Variants in NOP14 observed in about 807,000 individuals in gnomAD.
NOP14 encodes the protein nucleolar protein 14.
A neutral mutation model predicts 101.6 loss-of-function variants in NOP14; 57 were observed. The observed-to-expected ratio is 0.56, with a 90% CI of 0.45 to 0.70. The LOEUF is 0.70. Ranked by LOEUF, NOP14 falls within the 30% of genes least tolerant of loss-of-function variation. NOP14 has a pLI of 0.00. For synonymous variants in NOP14, 428 were observed against 424.0 expected (o/e 1.01, Z -0.12); for missense variants, 1,134 against 1,075.5 (o/e 1.05, Z -0.76).
intron 1 of NOP14, among the ~76,000 whole-genome samples, chr4:2,962,346 T>TC (rs757953856): frequency 1.3e-5 from 2 of 152,248 alleles, no homozygotes; most frequent in Non-Finnish European, 2.9e-5. Flanking sequence ...TCTTGCCTAT[T>TC]CATTATACAG....
chr4:2,957,193 G>A (rs1715408056), intron 2 of NOP14, among the ~76,000 whole-genome samples: 1 of 151,996 alleles, frequency 6.6e-6, no homozygotes, highest in Admixed American at 6.6e-5. Context: ...GTAGAGACGG[G>A]GTTTCATCAC....
At chr4:2,961,250 CTA>C (rs1401836336) in intron 1 of NOP14, 1 of 145,738 alleles carries the variant, frequency 6.9e-6, no homozygotes, top group African/African-American at 2.5e-5. Flanking sequence ...TATATAGTAA[CTA>C]TATTAATAAT....
At chr4:2,939,148 G>A (rs915615482) in intron 17 of NOP14, 40 bp downstream of exon 17, 8 of 1,611,662 alleles carry the variant, frequency 5.0e-6, no homozygotes, top group Non-Finnish European at 6.8e-6. Context: ...CCAAAGCTGA[G>A]TGACACCACA....
At position 2,963,240 on chromosome 4, in the gene NOP14, G is replaced by C. The variant is rs1716279924; in HGVS notation, c.80C>G (p.Ala27Gly). Reference protein sequence around the residue: ...PAGARGGPAKANSNPFEVKVN... With the variant: ...PAGARGGPAKGNSNPFEVKVN... ...TTTCACCTCGAACGGATTGGAGTTG[G>C]CCTTCGCCGGGCCCCCTCGCGCTCC... Residue 27 changes from alanine (A) to glycine (G), a missense_variant, in exon 1 of 18, where the codon GCC (alanine) becomes GGC (glycine). Physicochemically the swap from Ala to Gly is moderately conservative, Grantham distance 60. Transcript: ENST00000416614. The C allele has an allele frequency of 1.3e-6, 2 of 1,590,384 alleles. No individual in the cohort carries two copies. The highest frequency in any genetic ancestry group is 1.7e-6 in the Non-Finnish European group (2 of 1,170,964).
chr4:2,945,324 G>T, intron 11 of NOP14, 95 bp from the exon 12 acceptor site: 1 of 932,690 alleles, frequency 1.1e-6, no homozygotes, highest in Non-Finnish European at 1.7e-6. Flanking sequence ...ACAGGATCTG[G>T]CGAGGAGAGG....
chr4:2,939,756 C>T (rs1250677873), intron 15 of NOP14, 111 bp from the exon 16 acceptor site: 7 of 836,920 alleles, frequency 8.4e-6, no homozygotes, highest in Non-Finnish European at 1.0e-5. Flanking sequence ...CTGCGAGCTC[C>T]CTGCAGCAGG....
chr4:2,959,383 A>G (rs140270339), intron 1 of NOP14, among the ~76,000 whole-genome samples: 4,195 of 152,136 alleles, frequency 0.028, 94 homozygotes, highest in East Asian at 0.06. Context: ...ACGAGGTTAG[A>G]AGATCAAGAC....
chr4:2,959,501 G>T (rs1468658789), intron 1 of NOP14, among the ~76,000 whole-genome samples: 1 of 152,178 alleles, frequency 6.6e-6, no homozygotes, highest in African/African-American at 2.4e-5. Context: ...GCTGAGGCAG[G>T]AGAATGGCGT....
chr4:2,943,324 G>A (rs1194227995), intron 13 of NOP14, among the ~76,000 whole-genome samples: 1 of 152,242 alleles, frequency 6.6e-6, no homozygotes, highest in African/African-American at 2.4e-5. Context: ...CGGTGAGCTG[G>A]AAATAGAGGA....
chr4:2,947,410 T>C, intron 10 of NOP14, 116 bp downstream of exon 10: 1 of 767,372 alleles, frequency 1.3e-6, no homozygotes, highest in South Asian at 1.7e-5. Flanking sequence ...CTTGGCATGC[T>C]GACACCATCA....
intron 15 of NOP14, 39 bp from the exon 16 acceptor site, chr4:2,939,684 C>A (rs760539488): frequency 3.4e-6 from 5 of 1,481,058 alleles, no homozygotes; most frequent in Non-Finnish European, 4.7e-6. Context: ...GATGACTCAC[C>A]TGCTGCGTGC....
intron 12 of NOP14, among the ~76,000 whole-genome samples, chr4:2,944,653 C>A (rs1002100735): frequency 1.3e-5 from 2 of 152,138 alleles, no homozygotes; most frequent in Admixed American, 6.5e-5. Flanking sequence ...GTGATCCGCC[C>A]GCCTCAGCCT....
chr4:2,948,247 C>G, intron 9 of NOP14, 31 bp downstream of exon 9: 7 of 1,570,388 alleles, frequency 4.5e-6, no homozygotes, highest in South Asian at 1.2e-5. Flanking sequence ...GCTGACACTC[C>G]CAGCGCTCCA....
At chr4:2,950,476 C>G in intron 7 of NOP14, 2 of 530,344 alleles carry the variant, frequency 3.8e-6, no homozygotes, top group South Asian at 4.3e-5. Flanking sequence ...CAGGGAGCAG[C>G]ATGGGACTGG....
intron 17 of NOP14, 72 bp downstream of exon 17, chr4:2,939,116 C>T: frequency 1.3e-6 from 2 of 1,593,052 alleles, no homozygotes; most frequent in African/African-American, 1.3e-5. Flanking sequence ...GTGCCCGGTG[C>T]TCTGCCCAGG....
chr4:2,944,332 A>T, intron 12 of NOP14, 106 bp from the exon 13 acceptor site: 1 of 954,154 alleles, frequency 1.0e-6, no homozygotes, highest in Non-Finnish European at 1.6e-6. Flanking sequence ...GAGCTTCACA[A>T]GTACAGAGGG....
Position 2,938,444 on chromosome 4 carries a change from CAGG to C in NOP14, c.*384_*386del. On this transcript the variant is annotated 3_prime_UTR_variant, in exon 18 of 18. Coordinates refer to ENST00000416614, the MANE Select transcript of NOP14 (RefSeq NM_001291978.2). The stretch of plus-strand genomic sequence containing the variant: ...CTGAGGCAGGAGAATCGCTTGAACC[CAGG>C]AGGTGGAGGTTGTGCCATTGCACTC... 1 of 351,038 alleles carries C rather than the reference CAGG, an allele frequency of 2.8e-6. No individual in the cohort carries two copies. The highest frequency in any genetic ancestry group is 5.6e-6 in the Non-Finnish European group (1 of 179,886). The allele number at this position is 351,038 out of a possible 1,614,324, so 21.7% of individuals were successfully genotyped here.
intron 3 of NOP14, among the ~76,000 whole-genome samples, chr4:2,956,090 C>T (rs1243693807): frequency 2.6e-5 from 4 of 152,088 alleles, no homozygotes; most frequent in Non-Finnish European, 4.4e-5. Flanking sequence ...ACAGTCAGAC[C>T]CGAACTGAAT....
intron 9 of NOP14, 152 bp from the exon 10 acceptor site, chr4:2,947,763 A>C (rs1714752916): frequency 1.5e-6 from 1 of 653,036 alleles, no homozygotes; most frequent in Non-Finnish European, 2.7e-6. Flanking sequence ...TCTAAAATGT[A>C]AGCAAATACA....
Sources: gnomAD v4.1 joint callset for allele counts (sites outside exome capture counted in the v4.1 genomes callset) on GRCh38, gnomAD v4.1.1 for gene constraint, MANE v1.5 for transcripts, NCBI Gene and HGNC (gene_info 2026-07-23, HGNC 2026-07-21) for gene names.